NSUN3: variants seen among roughly 807,000 people sequenced by gnomAD.
NSUN3 encodes the protein tRNA (cytosine(34)-C(5))-methyltransferase, mitochondrial.
A neutral mutation model predicts 36.8 loss-of-function variants in NSUN3; 24 were observed. The observed-to-expected ratio is 0.65, with a 90% confidence interval of 0.47 to 0.92. The LOEUF (loss-of-function observed/expected upper bound fraction) is 0.92. Among genes scored for constraint, NSUN3 ranks in the 40% least tolerant of loss-of-function variants. NSUN3 has a pLI of 0.00. For synonymous variants in NSUN3, 146 were observed against 145.2 expected (o/e 1.01, Z -0.04); for missense variants, 381 against 392.8 (o/e 0.97, Z 0.25).
chr3:94,088,438 C>T (rs1217370324), intron 3 of NSUN3, among the ~76,000 whole-genome samples: 1 of 152,028 alleles, frequency 6.6e-6, no homozygotes, highest in African/African-American at 2.4e-5. Flanking sequence ...CACTGATGAC[C>T]ATTATTTAAC....
intron 5 of NSUN3, among the ~76,000 whole-genome samples, chr3:94,111,944 G>A (rs1184390055): frequency 6.6e-6 from 1 of 151,450 alleles, no homozygotes; most frequent in African/African-American, 2.4e-5. Flanking sequence ...TTTCTATCGA[G>A]AGAGAGAGAG....
intron 5 of NSUN3, among the ~76,000 whole-genome samples, chr3:94,107,770 A>G (rs1576097112): frequency 6.6e-6 from 1 of 152,242 alleles, no homozygotes. Flanking sequence ...AACAGTGGCC[A>G]TGTTCCGTAA....
At chr3:94,075,848 C>A in intron 2 of NSUN3, 1 of 1,040,328 alleles carries the variant, frequency 9.6e-7, no homozygotes, top group Non-Finnish European at 1.4e-6. Context: ...AGTGTTAAAT[C>A]ACTCTCAGGG....
intron 5 of NSUN3, among the ~76,000 whole-genome samples, chr3:94,102,220 A>AC (rs1235893981): frequency 6.7e-6 from 1 of 150,012 alleles, no homozygotes; most frequent in Non-Finnish European, 1.5e-5. Context: ...AAAAAAAAAA[A>AC]AAAAACACTA....
At chr3:94,085,418 T>C (rs2077287846) in intron 3 of NSUN3, 1 of 152,202 alleles carries the variant, frequency 6.6e-6, no homozygotes, top group South Asian at 2.1e-4. Flanking sequence ...TTTTGTGTGA[T>C]GGTTCTGTTT....
In NSUN3 at chr3:94,129,284, A is replaced by T. The variant is rs2077500157; in HGVS notation, c.*2794A>T. On this transcript the variant is annotated 3_prime_UTR_variant, in exon 6 of 6. Coordinates refer to ENST00000314622, the MANE Select transcript of NSUN3 (RefSeq NM_022072.5). ...CCATCAGCAGTTGATTGAATAAAGG[A>T]AATGTGGTACATATACCTCGTGTAA... Among the ~76,000 whole-genome samples, 1 of 152,236 alleles carries T rather than the reference A, an allele frequency of 6.6e-6. No homozygotes were observed. Among genetic ancestry groups the T allele is most frequent in the South Asian group, 2.1e-4 (1 of 4,830 alleles).
chr3:94,079,506 A>G (rs1217282835), intron 2 of NSUN3, among the ~76,000 whole-genome samples: 2 of 152,126 alleles, frequency 1.3e-5, no homozygotes, highest in Non-Finnish European at 2.9e-5. Context: ...CTCCTGGATG[A>G]TAGCTTGAAG....
At chr3:94,093,716 A>G (rs1441296483) in intron 3 of NSUN3, among the ~76,000 whole-genome samples, 5 of 152,228 alleles carry the variant, frequency 3.3e-5, no homozygotes, top group African/African-American at 1.2e-4. Flanking sequence ...GTCTGCCGCA[A>G]TGTGAGTTTC....
intron 5 of NSUN3, among the ~76,000 whole-genome samples, chr3:94,104,845 G>T (rs900679517): frequency 1.2e-4 from 18 of 152,162 alleles, no homozygotes; most frequent in Non-Finnish European, 2.5e-4. Flanking sequence ...ATGGATTAAT[G>T]TTAGAAGAAA....
At chr3:94,118,222 A>G (rs572984441) in intron 5 of NSUN3, among the ~76,000 whole-genome samples, 1 of 152,198 alleles carries the variant, frequency 6.6e-6, no homozygotes, top group Non-Finnish European at 1.5e-5. Flanking sequence ...ATTATCTACA[A>G]TTATGATATA....
intron 2 of NSUN3, among the ~76,000 whole-genome samples, chr3:94,075,246 G>GCAAA (rs531752855): frequency 6.6e-5 from 10 of 151,710 alleles, no homozygotes; most frequent in Admixed American, 2.6e-4. Flanking sequence ...CAAGTTAAAA[G>GCAAA]CAAACAAACA....
chr3:94,076,637 C>T lies in NSUN3; in HGVS notation c.123-7470C>T, dbSNP rs2077247662. 4 of 1,003,604 alleles carry T rather than the reference C, an allele frequency of 4.0e-6. No individual in the cohort carries two copies. In the South Asian group the frequency reaches 5.1e-5, roughly 13 times the overall value. The allele number at this position is 1,003,604 out of a possible 1,614,324, so 62.2% of individuals were successfully genotyped here. The stretch of plus-strand genomic sequence containing the variant: ...GAGATTTGGCCAAGAAAGCCCATAG[C>T]CTTTTTTCTGATGTCCATGGAGACG... On this transcript the variant is annotated intron_variant, in intron 2 of 5. Transcript: ENST00000314622.
chr3:94,116,985 CTTTTTTTTTTTTT>C (rs60234250), intron 5 of NSUN3, among the ~76,000 whole-genome samples: 4 of 64,006 alleles, frequency 6.2e-5, no homozygotes, highest in East Asian at 5.5e-4. Context: ...TCTGCCACAA[CTTTTTTTTTTTTT>C]TTTTTTTTTT....
At chr3:94,098,256 C>T (rs2077351436) in intron 5 of NSUN3, among the ~76,000 whole-genome samples, 1 of 152,080 alleles carries the variant, frequency 6.6e-6, no homozygotes, top group Non-Finnish European at 1.5e-5. Context: ...TCAAGTTCAC[C>T]CAACTCTCTC....
chr3:94,078,465 G>A (rs1425721004), intron 2 of NSUN3, among the ~76,000 whole-genome samples: 2 of 152,154 alleles, frequency 1.3e-5, no homozygotes, highest in Non-Finnish European at 2.9e-5. Flanking sequence ...GCTTGGTCCA[G>A]AGCTGAGTTC....
chr3:94,078,569 T>C (rs760465801), intron 2 of NSUN3, among the ~76,000 whole-genome samples: 1 of 152,142 alleles, frequency 6.6e-6, no homozygotes, highest in Non-Finnish European at 1.5e-5. Context: ...TGTGTGGGAG[T>C]CTAAGTCTCT....
intron 5 of NSUN3, among the ~76,000 whole-genome samples, chr3:94,102,058 A>G (rs2077368016): frequency 6.6e-6 from 1 of 152,094 alleles, no homozygotes; most frequent in Non-Finnish European, 1.5e-5. Context: ...TCACTACTTG[A>G]CAAGTAAAAT....
At chr3:94,079,320 T>C (rs1353054455) in intron 2 of NSUN3, among the ~76,000 whole-genome samples, 1 of 152,206 alleles carries the variant, frequency 6.6e-6, no homozygotes, top group Admixed American at 6.5e-5. Flanking sequence ...TGCGCTTCCC[T>C]TTGTGGGTGA....
intron 2 of NSUN3, among the ~76,000 whole-genome samples, chr3:94,069,599 A>G (rs972841992): frequency 4.6e-5 from 7 of 152,228 alleles, no homozygotes; most frequent in Non-Finnish European, 8.8e-5. Context: ...TAGTAGGAAA[A>G]AAGAATAAAG....
Sources: allele counts gnomAD v4.1 joint callset (sites outside exome capture counted in the v4.1 genomes callset), GRCh38; gene constraint gnomAD v4.1.1; transcripts MANE v1.5; gene names NCBI Gene and HGNC (gene_info 2026-07-23, HGNC 2026-07-21).